Variants in SLC1A1 observed in about 807,000 individuals in gnomAD.
SLC1A1 encodes the protein solute carrier family 1 member 1.
Under a neutral mutation model 53.3 loss-of-function variants are expected in SLC1A1, and 43 were observed. The observed-to-expected ratio is 0.81, with a 90% CI of 0.63 to 1.04. SLC1A1 has a LOEUF of 1.04. Ranked by LOEUF, SLC1A1 falls within the 50% of genes least tolerant of loss-of-function variation. The pLI, the probability that SLC1A1 is intolerant of heterozygous loss-of-function variation, is 0.00. For synonymous variants in SLC1A1, 307 were observed against 243.2 expected, an observed-to-expected ratio of 1.26 and a Z score of -2.44; for missense variants, 748 against 664.9, an observed-to-expected ratio of 1.12 and a Z score of -1.37.
intron 1 of SLC1A1, among the ~76,000 whole-genome samples, chr9:4,526,182 A>G (rs1816251960): frequency 6.6e-6 from 1 of 152,096 alleles, no homozygotes; most frequent in South Asian, 2.1e-4. Flanking sequence ...TAAGCGATCA[A>G]CTCCAAAAGG....
At chr9:4,564,310 C>T (rs1228900654) in intron 3 of SLC1A1, 34 bp from the exon 4 acceptor site, 1 of 1,463,988 alleles carries the variant, frequency 6.8e-7, no homozygotes, top group East Asian at 2.3e-5. Flanking sequence ...CTGGAAGGTT[C>T]CTAATGCTCT....
chr9:4,524,127 C>A (rs764080630), intron 1 of SLC1A1, among the ~76,000 whole-genome samples: 5 of 152,124 alleles, frequency 3.3e-5, no homozygotes, highest in Admixed American at 1.3e-4. Context: ...CTAATTGATC[C>A]TATGTGCATA....
intron 1 of SLC1A1, among the ~76,000 whole-genome samples, chr9:4,498,534 G>C (rs887240125): frequency 8.7e-6 from 1 of 115,158 alleles, no homozygotes; most frequent in Non-Finnish European, 2.2e-5. Context: ...GTTTGACATA[G>C]GGAAAACAAA....
At chr9:4,563,497 C>T (rs1258306087) in intron 3 of SLC1A1, among the ~76,000 whole-genome samples, 1 of 152,150 alleles carries the variant, frequency 6.6e-6, no homozygotes, top group Non-Finnish European at 1.5e-5. Flanking sequence ...CCCAGGAGTT[C>T]CTCCCATTAG....
intron 2 of SLC1A1, among the ~76,000 whole-genome samples, chr9:4,548,854 A>T (rs1449710485): frequency 6.6e-6 from 1 of 152,198 alleles, no homozygotes; most frequent in Non-Finnish European, 1.5e-5. Flanking sequence ...CATTGTGGGT[A>T]CCAATAGAAT....
At chr9:4,498,692 C>T (rs187132776) in intron 1 of SLC1A1, among the ~76,000 whole-genome samples, 216 of 151,108 alleles carry the variant, frequency 1.4e-3, no homozygotes, top group African/African-American at 5.1e-3. Context: ...ATATTTATTC[C>T]ATAGCATGCC....
intron 6 of SLC1A1, among the ~76,000 whole-genome samples, chr9:4,570,821 A>G (rs1464181863): frequency 6.6e-6 from 1 of 151,790 alleles, no homozygotes; most frequent in Non-Finnish European, 1.5e-5. Flanking sequence ...AGGTGAGAGG[A>G]TCACTTGAGC....
At chr9:4,562,379 CA>C (rs1171655200) in intron 3 of SLC1A1, among the ~76,000 whole-genome samples, 7 of 152,168 alleles carry the variant, frequency 4.6e-5, no homozygotes, top group African/African-American at 1.4e-4. Flanking sequence ...CAGCCACTTA[CA>C]TAATTCTTAA....
intron 1 of SLC1A1, among the ~76,000 whole-genome samples, chr9:4,520,905 T>C (rs1210592166): frequency 6.6e-6 from 1 of 152,250 alleles, no homozygotes; most frequent in Non-Finnish European, 1.5e-5. Flanking sequence ...TTCCAGTTTC[T>C]CCACATCCTC....
At chr9:4,529,047 A>G (rs1364668290) in intron 1 of SLC1A1, among the ~76,000 whole-genome samples, 1 of 152,134 alleles carries the variant, frequency 6.6e-6, no homozygotes, top group Non-Finnish European at 1.5e-5. Flanking sequence ...ACCTTCAGAC[A>G]TATAATTTAT....
intron 1 of SLC1A1, among the ~76,000 whole-genome samples, chr9:4,507,094 C>CGTG (rs1243716767): frequency 6.6e-6 from 1 of 152,026 alleles, no homozygotes; most frequent in Non-Finnish European, 1.5e-5. Flanking sequence ...ATTAGCTGAG[C>CGTG]GTGGTGGTGG....
chr9:4,515,342 G>T (rs970938294), intron 1 of SLC1A1, among the ~76,000 whole-genome samples: 6 of 152,110 alleles, frequency 3.9e-5, no homozygotes, highest in African/African-American at 1.4e-4. Context: ...TATTCTATAG[G>T]CCTATTTTTA....
At position 4,573,904 on chromosome 9, in the gene SLC1A1, C is replaced by T. The variant is rs779562237; in HGVS notation, c.768-3C>T. The T allele has an allele frequency of 6.3e-7, 1 of 1,594,374 alleles. No individual in the cohort carries two copies. Among genetic ancestry groups the T allele is most frequent in the Non-Finnish European group, 8.6e-7 (1 of 1,161,976 alleles). ...TCACGCCTCTGTTGTGCTTCCTTTC[C>T]AGTTATATGCCACTAGGTATTTTGT... On this transcript the variant is annotated splice_region_variant and splice_polypyrimidine_tract_variant and intron_variant, in intron 7 of 11. Transcript: ENST00000262352.
intron 2 of SLC1A1, among the ~76,000 whole-genome samples, chr9:4,560,457 G>T (rs1025298434): frequency 3.3e-5 from 5 of 152,086 alleles, no homozygotes; most frequent in African/African-American, 1.2e-4. Context: ...AATTCTCCCA[G>T]CTGTTTACAA....
At chr9:4,553,364 C>CTT (rs33971780) in intron 2 of SLC1A1, 35,817 of 110,060 alleles carry the variant, frequency 0.33, 7,390 homozygotes, top group Middle Eastern at 0.51. Context: ...CCCACCGCTT[C>CTT]TTTTTTTTTT....
intron 1 of SLC1A1, among the ~76,000 whole-genome samples, chr9:4,537,233 T>C (rs916125245): frequency 2.0e-5 from 3 of 152,076 alleles, no homozygotes; most frequent in Non-Finnish European, 4.4e-5. Context: ...GAAATGCTTA[T>C]GACTTAACAT....
chr9:4,580,235 A>AAAAGAAAG (rs145533584), intron 10 of SLC1A1, among the ~76,000 whole-genome samples: 94 of 149,544 alleles, frequency 6.3e-4, no homozygotes, highest in Admixed American at 1.5e-3. Flanking sequence ...CATCTCAAAG[A>AAAAGAAAG]AAAGAAAGAA....
At position 4,556,499 on chromosome 9, in the gene SLC1A1, T is replaced by C. The variant is rs1178140557; in HGVS notation, c.233-4950T>C. Among the ~76,000 whole-genome samples, 1 of 152,176 alleles carries C rather than the reference T, an allele frequency of 6.6e-6. No homozygotes were observed. The highest frequency in any genetic ancestry group is 1.5e-5 in the Non-Finnish European group (1 of 68,024). On this transcript the variant is annotated intron_variant, in intron 2 of 11. Coordinates refer to ENST00000262352, the MANE Select transcript of SLC1A1 (RefSeq NM_004170.6). This position sits in a 1 kb window ranked among gnomAD's most constrained non-coding sequence, Gnocchi z 4.1. The stretch of plus-strand genomic sequence containing the variant: ...GGAGAAACGAGTTCTGATAGTGAAC[T>C]GTAAAGAGAGGGGGTCCTTCAGACC...
chr9:4,501,557 G>A (rs954991267), intron 1 of SLC1A1, among the ~76,000 whole-genome samples: 9 of 151,600 alleles, frequency 5.9e-5, no homozygotes, highest in Non-Finnish European at 1.3e-4. Flanking sequence ...CTGAGGTCAG[G>A]AGTTCAAGAC....
Sources: allele counts gnomAD v4.1 joint callset (sites outside exome capture counted in the v4.1 genomes callset), GRCh38; gene constraint gnomAD v4.1.1; non-coding constraint Gnocchi (gnomAD v3.1); transcripts MANE v1.5; gene names NCBI Gene and HGNC (gene_info 2026-07-23, HGNC 2026-07-21).